ADGRL3: variants seen among roughly 807,000 people sequenced by gnomAD.
ADGRL3 encodes adhesion G protein-coupled receptor L3.
Under a neutral mutation model 153.5 loss-of-function variants are expected in ADGRL3, and 62 were observed. The observed-to-expected ratio is 0.40, with a 90% CI of 0.33 to 0.50. ADGRL3 has a LOEUF of 0.50. Among genes scored for constraint, ADGRL3 ranks in the 20% least tolerant of loss-of-function variants. The pLI is 0.47. For missense variants in ADGRL3, 1,641 were observed against 1,859.4 expected, an observed-to-expected ratio of 0.88 and a Z score of 2.16; for synonymous variants, 710 against 672.5, an observed-to-expected ratio of 1.06 and a Z score of -0.86.
chr4:61,258,805 A>ATCACT (rs1405517934), intron 1 of ADGRL3, among the ~76,000 whole-genome samples: 1 of 152,170 alleles, frequency 6.6e-6, no homozygotes, highest in Non-Finnish European at 1.5e-5. Context: ...CTCAACGGTA[A>ATCACT]TCACTTCACT....
At chr4:62,069,146 T>C (rs1744540569) in intron 26 of ADGRL3, among the ~76,000 whole-genome samples, 1 of 152,154 alleles carries the variant, frequency 6.6e-6, no homozygotes, top group Non-Finnish European at 1.5e-5. Flanking sequence ...GCAAAAACCT[T>C]GAAGAAATAT....
chr4:62,060,628 T>C (rs1739569051), intron 25 of ADGRL3, among the ~76,000 whole-genome samples: 1 of 151,934 alleles, frequency 6.6e-6, no homozygotes, highest in African/African-American at 2.4e-5. Flanking sequence ...TTACAGATAA[T>C]TTGGTTTTCT....
chr4:61,609,316 A>G (rs2099044358), intron 5 of ADGRL3, among the ~76,000 whole-genome samples: 1 of 152,194 alleles, frequency 6.6e-6, no homozygotes, highest in Admixed American at 6.5e-5. Context: ...TTAACTCTGC[A>G]GAAGTGCAAA....
At chr4:61,609,154 T>C (rs1279594287) in intron 5 of ADGRL3, among the ~76,000 whole-genome samples, 1 of 152,126 alleles carries the variant, frequency 6.6e-6, no homozygotes, top group Admixed American at 6.6e-5. Flanking sequence ...GCCAACAATA[T>C]TTATATTGGT....
intron 1 of ADGRL3, among the ~76,000 whole-genome samples, chr4:61,208,864 A>G (rs1328997593): frequency 2.6e-5 from 4 of 152,132 alleles, no homozygotes; most frequent in Admixed American, 6.5e-5. Flanking sequence ...GCACCACAAC[A>G]AGCCATTTTC....
intron 4 of ADGRL3, among the ~76,000 whole-genome samples, chr4:61,540,903 T>A (rs2098686834): frequency 6.6e-6 from 1 of 152,158 alleles, no homozygotes; most frequent in Non-Finnish European, 1.5e-5. Flanking sequence ...ATCGTTTCAC[T>A]GAACTTTTGT....
intron 25 of ADGRL3, among the ~76,000 whole-genome samples, chr4:62,050,364 C>G (rs554767170): frequency 2.6e-5 from 4 of 152,040 alleles, no homozygotes; most frequent in Non-Finnish European, 5.9e-5. Context: ...CCTGTCCTCT[C>G]CCTTCAGAAG....
chr4:61,415,606 TTAAC>T (rs1472241390), intron 2 of ADGRL3, among the ~76,000 whole-genome samples: 2 of 152,104 alleles, frequency 1.3e-5, no homozygotes, highest in Non-Finnish European at 2.9e-5. Flanking sequence ...TTAATTTATG[TTAAC>T]TGTCATACAT....
intron 10 of ADGRL3, among the ~76,000 whole-genome samples, 197 bp downstream of exon 10, chr4:61,893,155 CTCTT>C (rs779768351): frequency 7.8e-5 from 11 of 140,568 alleles, no homozygotes; most frequent in African/African-American, 2.6e-4. Context: ...TCTTTCTTTC[CTCTT>C]TCTTTTTTTT....
intron 1 of ADGRL3, among the ~76,000 whole-genome samples, chr4:61,223,606 C>G (rs1018149262): frequency 6.6e-6 from 1 of 152,190 alleles, no homozygotes; most frequent in Non-Finnish European, 1.5e-5. Flanking sequence ...TGCCCACACA[C>G]TATGGGGTAA....
chr4:61,448,699 C>T (rs867054365), intron 2 of ADGRL3, among the ~76,000 whole-genome samples: 33 of 143,632 alleles, frequency 2.3e-4, no homozygotes, highest in African/African-American at 7.2e-4. Flanking sequence ...AGGATAGGAA[C>T]GAAGGAAAGA....
intron 8 of ADGRL3, among the ~76,000 whole-genome samples, chr4:61,763,355 T>G (rs1212653827): frequency 7.0e-6 from 1 of 142,590 alleles, no homozygotes; most frequent in Non-Finnish European, 1.5e-5. Context: ...GTCCAGCTAT[T>G]TTTTTTTTTT....
chr4:61,450,598 C>T (rs2097661889), intron 2 of ADGRL3, among the ~76,000 whole-genome samples: 1 of 152,064 alleles, frequency 6.6e-6, no homozygotes, highest in South Asian at 2.1e-4. Context: ...GTTCTGTCTG[C>T]TTTTGTTTCT....
intron 1 of ADGRL3, among the ~76,000 whole-genome samples, chr4:61,381,145 T>A (rs1409070225): frequency 1.3e-5 from 2 of 151,976 alleles, no homozygotes; most frequent in Non-Finnish European, 2.9e-5. Context: ...AAAGTGTAAA[T>A]GGAAGACTCT....
intron 6 of ADGRL3, among the ~76,000 whole-genome samples, chr4:61,696,525 AATTTT>A (rs2095645163): frequency 6.6e-6 from 1 of 152,072 alleles, no homozygotes; most frequent in South Asian, 2.1e-4. Flanking sequence ...CTTATATTTT[AATTTT>A]AATTGTTACA....
intron 17 of ADGRL3, among the ~76,000 whole-genome samples, chr4:61,977,867 G>A (rs1353704516): frequency 1.3e-5 from 2 of 152,110 alleles, no homozygotes; most frequent in East Asian, 1.9e-4. Flanking sequence ...TGATGCTGAA[G>A]TTTGGGGTAT....
At position 61,426,322 on chromosome 4, in the gene ADGRL3, T is replaced by C. The variant is rs550855291; in HGVS notation, c.-174+43133T>C. On this transcript the variant is annotated intron_variant, in intron 2 of 26. Coordinates refer to ENST00000683033, the MANE Select transcript of ADGRL3 (RefSeq NM_001387552.1). ...CCACACTGCTCTGAGTTCAGCCCAC[T>C]GACTACTTTGTCCACACCTGATAAC... Among the ~76,000 whole-genome samples, 24 of 152,308 alleles carry C rather than the reference T, an allele frequency of 1.6e-4. No homozygotes were observed. In the South Asian group the frequency reaches 4.1e-3, roughly 26 times the overall value.
Position 61,392,684 on chromosome 4 carries a change from C to CAAAAAAAAAAAAAAAAAA in ADGRL3, c.-174+9500_-174+9517dup, listed in dbSNP as rs397993633. 5.2e-3 allele frequency among the ~76,000 whole-genome samples: 70 copies of CAAAAAAAAAAAAAAAAAA among 13,370 alleles called. 13 individuals carry two copies. The highest frequency in any genetic ancestry group is 6.1e-3 in the Non-Finnish European group (35 of 5,760). 8.8% of individuals were successfully genotyped at this position (13,370 alleles called of 152,430 possible). On this transcript the variant is annotated intron_variant, in intron 2 of 26. Coordinates refer to ENST00000683033, the MANE Select transcript of ADGRL3 (RefSeq NM_001387552.1). ...CTGGTGACAGAGCGAGACTCCATCT[C>CAAAAAAAAAAAAAAAAAA]AAAAAAAAAAAAAAAAAAAAAAGAA... is the stretch of plus-strand genomic sequence containing the variant.
chr4:61,792,751 G>A (rs1351552889), intron 8 of ADGRL3, among the ~76,000 whole-genome samples: 4 of 151,914 alleles, frequency 2.6e-5, no homozygotes, highest in Admixed American at 6.6e-5. Context: ...GCCTCCCAAG[G>A]TGCTGGGATT....
Sources: gnomAD v4.1 joint callset for allele counts (sites outside exome capture counted in the v4.1 genomes callset) on GRCh38, gnomAD v4.1.1 for gene constraint, MANE v1.5 for transcripts, NCBI Gene and HGNC (gene_info 2026-07-23, HGNC 2026-07-21) for gene names.